Variants in FAM83F observed in about 807,000 individuals in gnomAD.
FAM83F encodes protein FAM83F.
Under a neutral mutation model 42.9 loss-of-function variants are expected in FAM83F, and 45 were observed. The ratio of observed to expected loss-of-function variants is 1.05; its 90% CI spans 0.83 to 1.35. The LOEUF (loss-of-function observed/expected upper bound fraction) is 1.35, where lower values mean the gene tolerates loss of function less well. FAM83F is among the 40% of genes most tolerant of loss of function. FAM83F has a pLI of 0.00. For missense variants in FAM83F, 617 were observed against 695.9 expected (o/e 0.89, Z 1.28); for synonymous variants, 306 against 298.3 (o/e 1.03, Z -0.27).
chr22:40,002,175 T>C (rs998892408), intron 1 of FAM83F, among the ~76,000 whole-genome samples: 1 of 152,136 alleles, frequency 6.6e-6, no homozygotes, highest in Non-Finnish European at 1.5e-5. Flanking sequence ...CCTGAGGATG[T>C]TCCCCACACA....
intron 1 of FAM83F, among the ~76,000 whole-genome samples, chr22:40,007,420 T>C (rs1601764348): frequency 2.9e-5 from 1 of 33,904 alleles, no homozygotes; most frequent in Non-Finnish European, 5.6e-5. Context: ...CCTCCTGTCC[T>C]CCTCCTCTCC....
Position 39,995,602 on chromosome 22 carries a change from C to T in FAM83F, c.489+71C>T, listed in dbSNP as rs2067370615. On this transcript the variant is annotated intron_variant, in intron 1 of 4. Transcript: ENST00000333407. The surrounding 1 kb of genome is among the most constrained non-coding windows in gnomAD (Gnocchi z 4.6). ...GTCCCCTGGACCGGGCCCCACCTCC[C>T]AGGCAGGGCCCGGGGCAGGCCGCCC... 6.9e-7 allele frequency: 1 copy of T among 1,453,924 alleles called. No homozygotes were observed. The highest frequency in any genetic ancestry group is 2.6e-5 in the Admixed American group (1 of 38,012). The allele number at this position is 1,453,924 out of a possible 1,614,324, so 90.1% of individuals were successfully genotyped here. A position where few individuals can be genotyped will look rare whatever the true frequency, so the allele number is the denominator to read the frequency against.
Position 40,041,253 on chromosome 22 carries a change from G to A in FAM83F, c.*11688G>A, listed in dbSNP as rs969636602. The stretch of plus-strand genomic sequence containing the variant: ...ACTTGGCCTGCATACAAGTGTGCAG[G>A]GCTTAACGAGTCTTTTTACTCTGAA... On this transcript the variant is annotated 3_prime_UTR_variant, in exon 5 of 5. Transcript: ENST00000333407. 6.6e-6 allele frequency: 1 copy of A among 152,176 alleles called. No homozygotes were observed. The highest frequency in any genetic ancestry group is 2.4e-5 in the African/African-American group (1 of 41,416). The allele number at this position is 152,176 out of a possible 1,614,324, so 9.4% of individuals were successfully genotyped here.
At chr22:40,025,255 T>TA (rs941547083) in intron 4 of FAM83F, among the ~76,000 whole-genome samples, 15 of 151,352 alleles carry the variant, frequency 9.9e-5, no homozygotes, top group African/African-American at 2.7e-4. Context: ...CCCCATCTCT[T>TA]AAAAAAAAAT....
intron 1 of FAM83F, among the ~76,000 whole-genome samples, chr22:39,999,720 C>A (rs1195580830): frequency 6.6e-6 from 1 of 152,192 alleles, no homozygotes; most frequent in African/African-American, 2.4e-5. Flanking sequence ...GAGAGGGAGG[C>A]TGCTGGAGTA....
chr22:40,042,226 G>A lies in FAM83F; in HGVS notation c.*12661G>A, dbSNP rs1359959033. ...TTGGAAATTATTTTCCTATTCTCAA[G>A]TGGGCAAATAGGAGAAGGTTTCAGG... On this transcript the variant is annotated 3_prime_UTR_variant, in exon 5 of 5. Coordinates refer to ENST00000333407, the MANE Select transcript of FAM83F (RefSeq NM_138435.4). The A allele has an allele frequency of 6.6e-6, 1 of 152,184 alleles. No homozygotes were observed. The highest frequency in any genetic ancestry group is 1.5e-5 in the Non-Finnish European group (1 of 68,028). The allele number at this position is 152,184 out of a possible 1,614,324, so 9.4% of individuals were successfully genotyped here.
intron 1 of FAM83F, chr22:40,009,729 T>A (rs920859270): frequency 1.3e-5 from 2 of 152,496 alleles, no homozygotes; most frequent in African/African-American, 4.8e-5. Context: ...CAAGCTGCAG[T>A]CGGCTCTGTG....
rs765365712 is a variant in FAM83F, at chr22:40,041,148, C to G, written c.*11583C>G. 2 of 152,178 alleles carry G rather than the reference C, an allele frequency of 1.3e-5. No individual in the cohort carries two copies. Among genetic ancestry groups the G allele is most frequent in the Admixed American group, 1.3e-4 (2 of 15,274 alleles). The allele number at this position is 152,178 out of a possible 1,614,324, so 9.4% of individuals were successfully genotyped here. ...AGCTATCACTCATGAAATCTGCCTT[C>G]CCCTCCAGCAAAAAGCCAACTGTAT... On this transcript the variant is annotated 3_prime_UTR_variant, in exon 5 of 5. Transcript: ENST00000333407.
intron 1 of FAM83F, among the ~76,000 whole-genome samples, chr22:40,002,433 A>G (rs2067407125): frequency 6.6e-6 from 1 of 152,130 alleles, no homozygotes; most frequent in Non-Finnish European, 1.5e-5. Flanking sequence ...ACCTCTGAGG[A>G]TGGGTGTTTC....
chr22:39,996,106 G>A (rs1258429943), intron 1 of FAM83F, among the ~76,000 whole-genome samples: 1 of 152,168 alleles, frequency 6.6e-6, no homozygotes, highest in African/African-American at 2.4e-5. Flanking sequence ...AATGGGGGAC[G>A]GGGTATATTG....
chr22:40,012,874 C>G (rs1373213053), intron 1 of FAM83F, among the ~76,000 whole-genome samples: 3 of 150,788 alleles, frequency 2.0e-5, no homozygotes, highest in African/African-American at 7.3e-5. Context: ...GAGATCAAGA[C>G]CATCCTGGCT....
intron 4 of FAM83F, among the ~76,000 whole-genome samples, chr22:40,028,834 G>A (rs9611252): frequency 6.6e-6 from 1 of 152,226 alleles, no homozygotes; most frequent in Admixed American, 6.5e-5. Flanking sequence ...CTCTTGGCCA[G>A]CGCCAGCCTT....
At chr22:40,001,045 C>T (rs1006932341) in intron 1 of FAM83F, among the ~76,000 whole-genome samples, 10 of 152,250 alleles carry the variant, frequency 6.6e-5, no homozygotes, top group African/African-American at 2.4e-4. Flanking sequence ...AGAATAAGCA[C>T]TTAGCCTTTC....
At position 40,021,219 on chromosome 22, in the gene FAM83F, G is replaced by GT; in HGVS notation, c.780-70dup. The GT allele has an allele frequency of 3.4e-6, 5 of 1,471,142 alleles. No individual in the cohort carries two copies. Among genetic ancestry groups the GT allele is most frequent in the Non-Finnish European group, 4.5e-6 (5 of 1,109,726 alleles). 91.1% of individuals were successfully genotyped at this position (1,471,142 alleles called of 1,614,324 possible). ...GGGTCTGGCCACAGCGGAGGGGCAG[G>GT]TGGGGGCGGGGGCAGGGCAAGAGAG... On this transcript the variant is annotated intron_variant, in intron 3 of 4. Transcript: ENST00000333407. The surrounding 1 kb of genome is among the most constrained non-coding windows in gnomAD (Gnocchi z 8.7).
intron 4 of FAM83F, among the ~76,000 whole-genome samples, chr22:40,028,320 TG>T (rs1252625501): frequency 2.0e-5 from 3 of 152,198 alleles, no homozygotes; most frequent in African/African-American, 7.2e-5. Flanking sequence ...GGCTCCAAGT[TG>T]GGCTCTGTTC....
rs368006830 is a variant in FAM83F, at chr22:40,012,770, AAAAC to A, written c.490-6382_490-6379del. ...GGGTGAAAAAGGAGACTCCATCTCA[AAAAC>A]AAACAAACAAACAAAAGGGCCAGGC... On this transcript the variant is annotated intron_variant, in intron 1 of 4. Transcript: ENST00000333407. Among the ~76,000 whole-genome samples the A allele has an allele frequency of 4.8e-3, 722 of 150,712 alleles. 9 individuals are homozygous for A. The highest frequency in any genetic ancestry group is 0.042 in the Middle Eastern group (12 of 288).
chr22:40,042,357 G>T lies in FAM83F; in HGVS notation c.*12792G>T, dbSNP rs1293423634. On this transcript the variant is annotated 3_prime_UTR_variant, in exon 5 of 5. Coordinates refer to ENST00000333407, the MANE Select transcript of FAM83F (RefSeq NM_138435.4). ...AGAAGAACAGGCTTTGGCCATCTCT[G>T]GATATTCCCATTCTGCTCCCTGCCA... 1.3e-5 allele frequency: 2 copies of T among 152,192 alleles called. No individual in the cohort carries two copies. Among genetic ancestry groups the T allele is most frequent in the Non-Finnish European group, 2.9e-5 (2 of 68,038 alleles). 9.4% of individuals were successfully genotyped at this position (152,192 alleles called of 1,614,324 possible).
intron 1 of FAM83F, among the ~76,000 whole-genome samples, chr22:40,003,516 G>A (rs1396934353): frequency 2.6e-5 from 4 of 151,460 alleles, no homozygotes. Flanking sequence ...GCCCAGGGCT[G>A]CGTCCTAGCT....
At chr22:39,997,298 G>T (rs1311408330) in intron 1 of FAM83F, among the ~76,000 whole-genome samples, 1 of 152,232 alleles carries the variant, frequency 6.6e-6, no homozygotes, top group Admixed American at 6.5e-5. Flanking sequence ...TTACTAGAAG[G>T]GGGAGACTGG....
Sources: allele counts gnomAD v4.1 joint callset (sites outside exome capture counted in the v4.1 genomes callset), GRCh38; gene constraint gnomAD v4.1.1; non-coding constraint Gnocchi (gnomAD v3.1); transcripts MANE v1.5; gene names NCBI Gene and HGNC (gene_info 2026-07-23, HGNC 2026-07-21).